APLF: variants seen among roughly 807,000 people sequenced by gnomAD.
APLF encodes the protein aprataxin and PNK-like factor.
In APLF, 61 loss-of-function variants were observed where a neutral mutation model predicts 55.6. The observed-to-expected ratio is 1.10, with a 90% confidence interval of 0.89 to 1.36. The LOEUF (loss-of-function observed/expected upper bound fraction) is 1.36, where lower values mean the gene tolerates loss of function less well. Ranked by LOEUF, APLF falls within the 40% of genes most tolerant of loss-of-function variation. The probability of loss-of-function intolerance (pLI) is 0.00; values close to 1 mark genes in which losing one functional copy is unlikely to be tolerated. For missense variants in APLF, 611 were observed against 602.5 expected (o/e 1.01, Z -0.15); for synonymous variants, 207 against 214.8 (o/e 0.96, Z 0.32).
At chr2:68,518,070 CATT>C (rs1042984746) in intron 5 of APLF, among the ~76,000 whole-genome samples, 1 of 128,256 alleles carries the variant, frequency 7.8e-6, no homozygotes, top group East Asian at 2.2e-4. Context: ...TATAATATAT[CATT>C]AGTATATAAT....
intron 2 of APLF, among the ~76,000 whole-genome samples, chr2:68,498,694 T>G (rs958923964): frequency 2.0e-5 from 3 of 152,224 alleles, no homozygotes; most frequent in Non-Finnish European, 1.5e-5. Flanking sequence ...CTGATGATGA[T>G]GTTCTTTGTA....
chr2:68,565,812 C>G (rs1403026907), intron 8 of APLF, among the ~76,000 whole-genome samples: 2 of 152,012 alleles, frequency 1.3e-5, no homozygotes, highest in African/African-American at 4.8e-5. Flanking sequence ...ACAATAGACT[C>G]ATAAAGGAAT....
At chr2:68,489,993 C>G (rs1274719356) in intron 1 of APLF, among the ~76,000 whole-genome samples, 197 bp from the exon 2 acceptor site, 2 of 152,042 alleles carry the variant, frequency 1.3e-5, no homozygotes, top group African/African-American at 2.4e-5. Flanking sequence ...TCTTCCATGA[C>G]TTTGGGCAGG....
chr2:68,526,377 T>C (rs1670047186), intron 6 of APLF, 135 bp downstream of exon 6: 1 of 1,433,688 alleles, frequency 7.0e-7, no homozygotes, highest in African/African-American at 1.4e-5. Flanking sequence ...AGCCCAATTT[T>C]TTCAGACTTA....
chr2:68,556,524 CCT>C (rs1324101925), intron 8 of APLF, among the ~76,000 whole-genome samples: 1 of 152,066 alleles, frequency 6.6e-6, no homozygotes, highest in Non-Finnish European at 1.5e-5. Context: ...GCTGTTCTTC[CCT>C]CTGACTCATT....
chr2:68,505,803 CT>C (rs1676858765), intron 3 of APLF, among the ~76,000 whole-genome samples: 1 of 151,952 alleles, frequency 6.6e-6, no homozygotes, highest in Non-Finnish European at 1.5e-5. Flanking sequence ...TGAACTTTGT[CT>C]TTTTGGGTTT....
chr2:68,557,477 A>G (rs1161006943), intron 8 of APLF, among the ~76,000 whole-genome samples: 1 of 152,232 alleles, frequency 6.6e-6, no homozygotes, highest in Non-Finnish European at 1.5e-5. Context: ...AACAAAAAAT[A>G]AGAATGTGTG....
intron 6 of APLF, chr2:68,528,516 C>T (rs1253643320): frequency 2.0e-6 from 3 of 1,533,928 alleles, no homozygotes; most frequent in South Asian, 1.2e-5. Context: ...TGGCCGGCAG[C>T]TCTGGGTGGA....
intron 2 of APLF, among the ~76,000 whole-genome samples, chr2:68,499,260 C>T (rs1676647810): frequency 6.6e-6 from 1 of 152,164 alleles, no homozygotes; most frequent in Admixed American, 6.5e-5. Flanking sequence ...AAGGCATACA[C>T]CAACAATGTC....
At chr2:68,518,445 A>C (rs1310754775) in intron 5 of APLF, among the ~76,000 whole-genome samples, 10 of 113,766 alleles carry the variant, frequency 8.8e-5, no homozygotes, top group Admixed American at 7.7e-4. Flanking sequence ...AATATATAAT[A>C]ATATATTATA....
intron 8 of APLF, among the ~76,000 whole-genome samples, chr2:68,551,399 A>C (rs1670855828): frequency 6.6e-6 from 1 of 151,992 alleles, no homozygotes; most frequent in Non-Finnish European, 1.5e-5. Context: ...TAGTTTGAGG[A>C]GACTGCTTGG....
chr2:68,473,862 C>G (rs986711150), intron 1 of APLF, among the ~76,000 whole-genome samples: 10 of 152,136 alleles, frequency 6.6e-5, no homozygotes, highest in African/African-American at 2.4e-4. Flanking sequence ...AACTGGGTGT[C>G]CTCTAATTCA....
chr2:68,577,646 A>G (rs1166935653), intron 9 of APLF, among the ~76,000 whole-genome samples, 174 bp from the exon 10 acceptor site: 33 of 152,192 alleles, frequency 2.2e-4, no homozygotes, highest in Admixed American at 1.1e-3. Context: ...AGGAAAAGTT[A>G]GAATAATAAA....
chr2:68,468,402 A>G (rs1475363181), intron 1 of APLF, among the ~76,000 whole-genome samples: 1 of 152,102 alleles, frequency 6.6e-6, no homozygotes, highest in African/African-American at 2.4e-5. Context: ...TTCATAAGTA[A>G]TGTGTATAGC....
chr2:68,523,647 T>C (rs1669953628), intron 5 of APLF, among the ~76,000 whole-genome samples: 1 of 151,904 alleles, frequency 6.6e-6, no homozygotes, highest in Non-Finnish European at 1.5e-5. Flanking sequence ...ATTGAGCTAT[T>C]GTTCATGTAG....
chr2:68,527,845 ACT>A (rs977971671), intron 6 of APLF, among the ~76,000 whole-genome samples: 17 of 145,922 alleles, frequency 1.2e-4, no homozygotes, highest in Non-Finnish European at 2.3e-4. Context: ...GGCGCTCCTC[ACT>A]TCCCAGACGG....
chr2:68,474,437 C>T (rs1392908582), intron 1 of APLF, among the ~76,000 whole-genome samples: 1 of 152,150 alleles, frequency 6.6e-6, no homozygotes, highest in Non-Finnish European at 1.5e-5. Flanking sequence ...TCACTTAACT[C>T]ATTAGCATAC....
intron 5 of APLF, among the ~76,000 whole-genome samples, chr2:68,517,233 A>C (rs1327942193): frequency 9.0e-6 from 1 of 110,498 alleles, no homozygotes; most frequent in Non-Finnish European, 1.7e-5. Flanking sequence ...TAAATATATT[A>C]ATATATGTCA....
intron 5 of APLF, among the ~76,000 whole-genome samples, chr2:68,525,485 A>G (rs1018241580): frequency 3.3e-5 from 5 of 152,136 alleles, no homozygotes; most frequent in Non-Finnish European, 7.4e-5. Flanking sequence ...TACTTCATTT[A>G]CTTTTCCTAA....
Sources: allele counts gnomAD v4.1 joint callset (sites outside exome capture counted in the v4.1 genomes callset), GRCh38; gene constraint gnomAD v4.1.1; transcripts MANE v1.5; gene names NCBI Gene and HGNC (gene_info 2026-07-23, HGNC 2026-07-21).